JPT1: variants seen among roughly 807,000 people sequenced by gnomAD.
JPT1 encodes Jupiter microtubule associated homolog 1.
Under a neutral mutation model 17.0 loss-of-function variants are expected in JPT1, and 5 were observed. The observed-to-expected ratio is 0.29, with a 90% CI of 0.15 to 0.62. The LOEUF (loss-of-function observed/expected upper bound fraction) is 0.62, where lower values mean the gene tolerates loss of function less well. Ranked by LOEUF, JPT1 falls within the 20% of genes least tolerant of loss-of-function variation. The probability of loss-of-function intolerance (pLI) is 0.85; values close to 1 mark genes in which losing one functional copy is unlikely to be tolerated. For missense variants in JPT1, 158 were observed against 188.1 expected, an observed-to-expected ratio of 0.84 and a Z score of 0.94; for synonymous variants, 71 against 73.6, an observed-to-expected ratio of 0.96 and a Z score of 0.18.
chr17:75,136,280 CATA>C (rs774449663), intron 4 of JPT1, 30 bp from the exon 5 acceptor site: 1 of 1,521,750 alleles, frequency 6.6e-7, no homozygotes, highest in Non-Finnish European at 8.8e-7. Flanking sequence ...AAATAATACT[CATA>C]ATGACAGCCA....
rs1480741255 is a variant in JPT1 at position 75,135,470 on chromosome 17, T to C, written c.*632A>G. On this transcript the variant is annotated 3_prime_UTR_variant, in exon 5 of 5. Coordinates refer to ENST00000409753, the MANE Select transcript of JPT1 (RefSeq NM_016185.4). ...CTGCTTTTAGTTCCAGGCAGTTTCA[T>C]TGTACATCCAAGCCTTCCTCTGCGT... The C allele has an allele frequency of 2.0e-5, 3 of 152,306 alleles. No individual in the cohort carries two copies. Among genetic ancestry groups the C allele is most frequent in the African/African-American group, 7.2e-5 (3 of 41,462 alleles). 9.4% of individuals were successfully genotyped at this position (152,306 alleles called of 1,614,324 possible).
chr17:75,138,025 C>T (rs1022057309), intron 4 of JPT1, among the ~76,000 whole-genome samples: 1 of 150,864 alleles, frequency 6.6e-6, no homozygotes, highest in African/African-American at 2.4e-5. Context: ...AGTGCAATTT[C>T]GGCTCACTGC....
rs756370285 is a variant in JPT1, at chr17:75,148,559, C to T, written c.169G>A (p.Glu57Lys). The change falls in exon 2 of 5, where the codon GAA becomes AAA. Residue 57 changes from glutamate to lysine, a missense_variant. Glu to Lys is a moderately conservative substitution (Grantham distance 56). Coordinates refer to ENST00000409753, the MANE Select transcript of JPT1 (RefSeq NM_016185.4). ...GACTTGGCCCAAGAAGCTTGATTTT[C>T]TTCAGGTGTCCCAAAGATATTAGAG... ...MASNIFGTPE[E>K]NQASWAKSAG... 8 of 1,614,166 alleles carry T rather than the reference C, an allele frequency of 5.0e-6. No homozygotes were observed. Among genetic ancestry groups the T allele is most frequent in the Non-Finnish European group, 6.8e-6 (8 of 1,180,038 alleles).
chr17:75,142,300 C>G (rs939627985), intron 4 of JPT1, among the ~76,000 whole-genome samples: 2 of 151,538 alleles, frequency 1.3e-5, no homozygotes, highest in Admixed American at 1.3e-4. Flanking sequence ...TGGCTCACGC[C>G]TGTAATCCTA....
At chr17:75,143,650 A>G (rs952410532) in intron 4 of JPT1, among the ~76,000 whole-genome samples, 1 of 151,926 alleles carries the variant, frequency 6.6e-6, no homozygotes, top group Non-Finnish European at 1.5e-5. Context: ...AGCCTGGCCA[A>G]CATGGCGAAA....
intron 1 of JPT1, chr17:75,149,331 T>G: frequency 4.0e-6 from 1 of 247,494 alleles, no homozygotes; most frequent in Non-Finnish European, 8.2e-6. Flanking sequence ...CTCCAGCCTG[T>G]GTGACAGAGC....
chr17:75,142,632 G>T (rs865902671), intron 4 of JPT1: 1 of 255,106 alleles, frequency 3.9e-6, no homozygotes. Flanking sequence ...GGAGGGAGGG[G>T]AGGGAGGGGA....
chr17:75,149,882 C>CAT (rs1294321804), intron 1 of JPT1, among the ~76,000 whole-genome samples: 1 of 149,820 alleles, frequency 6.7e-6, no homozygotes, highest in Non-Finnish European at 1.5e-5. Context: ...CACACACACA[C>CAT]ACTTAAGTCA....
intron 4 of JPT1, among the ~76,000 whole-genome samples, chr17:75,137,420 A>AT (rs199911282): frequency 0.014 from 2,124 of 151,796 alleles, 47 homozygotes; most frequent in African/African-American, 0.048. Flanking sequence ...GCAGTACCTC[A>AT]ATCACAGCCC....
intron 4 of JPT1, among the ~76,000 whole-genome samples, chr17:75,138,192 C>T (rs1339755114): frequency 6.6e-6 from 1 of 151,822 alleles, no homozygotes. Context: ...AAACTCCTGA[C>T]CTCAGGTGAT....
chr17:75,147,017 A>T (rs1170737571), intron 3 of JPT1, among the ~76,000 whole-genome samples: 2 of 152,186 alleles, frequency 1.3e-5, no homozygotes, highest in Non-Finnish European at 2.9e-5. Context: ...CCTTTCCCCG[A>T]TAAGGGGAAA....
intron 4 of JPT1, among the ~76,000 whole-genome samples, chr17:75,145,081 T>G (rs2074397743): frequency 1.4e-5 from 2 of 148,000 alleles, no homozygotes; most frequent in African/African-American, 5.0e-5. Flanking sequence ...GGAGAAGTGC[T>G]TGAACCCGGG....
chr17:75,137,465 T>C (rs2074221864), intron 4 of JPT1, among the ~76,000 whole-genome samples: 1 of 151,472 alleles, frequency 6.6e-6, no homozygotes, highest in African/African-American at 2.4e-5. Context: ...CAAGCAATCC[T>C]CCTATATCAG....
chr17:75,142,297 C>A (rs1473529285), intron 4 of JPT1, among the ~76,000 whole-genome samples: 1 of 151,172 alleles, frequency 6.6e-6, no homozygotes, highest in Non-Finnish European at 1.5e-5. Flanking sequence ...TGGTGGCTCA[C>A]GCCTGTAATC....
chr17:75,137,320 G>GT (rs1035598660), intron 4 of JPT1, among the ~76,000 whole-genome samples: 1 of 92,588 alleles, frequency 1.1e-5, no homozygotes, highest in East Asian at 2.2e-4. Context: ...CATATTTTTA[G>GT]TTTTTTTGTT....
intron 4 of JPT1, among the ~76,000 whole-genome samples, chr17:75,140,894 G>A (rs778877114): frequency 2.0e-5 from 3 of 152,012 alleles, no homozygotes; most frequent in African/African-American, 2.4e-5. Flanking sequence ...GTTCGAGACC[G>A]GCCTGGGCAA....
intron 1 of JPT1, chr17:75,153,794 G>C (rs555932482): frequency 6.6e-6 from 1 of 152,348 alleles, no homozygotes; most frequent in South Asian, 2.1e-4. Flanking sequence ...CGAATAAGGA[G>C]TGGGGGCACG....
At chr17:75,137,606 T>G (rs1285134617) in intron 4 of JPT1, among the ~76,000 whole-genome samples, 1 of 150,914 alleles carries the variant, frequency 6.6e-6, no homozygotes, top group Non-Finnish European at 1.5e-5. Context: ...TGGACTCAAG[T>G]GATCCTCCCA....
chr17:75,148,123 T>G (rs1482789535), intron 2 of JPT1: 3 of 235,982 alleles, frequency 1.3e-5, no homozygotes, highest in African/African-American at 2.3e-5. Flanking sequence ...CCAGTCTGAC[T>G]TCAGTCCTTA....
Sources: allele counts gnomAD v4.1 joint callset (sites outside exome capture counted in the v4.1 genomes callset), GRCh38; gene constraint gnomAD v4.1.1; transcripts MANE v1.5; gene names NCBI Gene and HGNC (gene_info 2026-07-23, HGNC 2026-07-21).